The following RAD54B variants were observed in gnomAD, a reference collection of about 807,000 sequenced individuals.
The protein encoded by RAD54B is DNA repair and recombination protein RAD54B.
A neutral mutation model predicts 95.8 loss-of-function variants in RAD54B; 78 were observed. The ratio of observed to expected loss-of-function variants is 0.81; its 90% confidence interval spans 0.68 to 0.98. The LOEUF is 0.98. Ranked by LOEUF, RAD54B falls within the 50% of genes least tolerant of loss-of-function variation. RAD54B has a pLI of 0.00. For missense variants in RAD54B, 957 were observed against 1,056.6 expected (o/e 0.91, Z 1.31); for synonymous variants, 328 against 354.9 (o/e 0.92, Z 0.85).
chr8:94,421,757 G>A (rs971228250), intron 3 of RAD54B, among the ~76,000 whole-genome samples: 1 of 152,188 alleles, frequency 6.6e-6, no homozygotes, highest in Non-Finnish European at 1.5e-5. Context: ...TCAAAGCTAT[G>A]TATTGTATCC....
At chr8:94,440,095 G>A (rs1015782607) in intron 3 of RAD54B, among the ~76,000 whole-genome samples, 8 of 151,880 alleles carry the variant, frequency 5.3e-5, no homozygotes, top group Admixed American at 1.3e-4. Context: ...GAGTCAGATC[G>A]GAAAGTAAGT....
chr8:94,439,124 G>A (rs1812337549), intron 3 of RAD54B, among the ~76,000 whole-genome samples: 1 of 152,110 alleles, frequency 6.6e-6, no homozygotes, highest in African/African-American at 2.4e-5. Flanking sequence ...TCCAAGAGTG[G>A]AAAAGGATAG....
At chr8:94,442,037 T>C (rs1249641529) in intron 3 of RAD54B, among the ~76,000 whole-genome samples, 1 of 152,178 alleles carries the variant, frequency 6.6e-6, no homozygotes, top group African/African-American at 2.4e-5. Context: ...GAACTGCATA[T>C]ACACAATGGA....
At position 94,380,377 on chromosome 8, in the gene RAD54B, G is replaced by A. The variant is rs1480642610; in HGVS notation, c.2015C>T (p.Thr672Ile). The A allele has an allele frequency of 6.2e-7, 1 of 1,613,068 alleles. No homozygotes were observed. Among genetic ancestry groups the A allele is most frequent in the Admixed American group, 1.7e-5 (1 of 59,984 alleles). ...ACATACTTCTTGTAAAATGTTCAAG[G>A]TTTGTGTATAGTTGGATACCAACAC... Reference protein sequence around the residue: ...KVVLVSNYTQTLNILQEVCKR... With the variant: ...KVVLVSNYTQILNILQEVCKR... Residue 672 changes from threonine (T) to isoleucine (I), a missense_variant, in exon 12 of 15, where the codon ACC (threonine) becomes ATC (isoleucine). Coordinates refer to ENST00000336148, the MANE Select transcript of RAD54B (RefSeq NM_012415.3).
intron 1 of RAD54B, among the ~76,000 whole-genome samples, chr8:94,473,646 A>G (rs113950595): frequency 9.2e-5 from 14 of 152,256 alleles, no homozygotes; most frequent in African/African-American, 3.1e-4. Flanking sequence ...TTCAACATAC[A>G]GGACAATGAC....
chr8:94,404,243 A>T lies in RAD54B; in HGVS notation c.782-4T>A, dbSNP rs751564914. 3.2e-6 allele frequency: 5 copies of T among 1,575,614 alleles called. No individual in the cohort carries two copies. Among genetic ancestry groups the T allele is most frequent in the East Asian group, 4.5e-5 (2 of 44,112 alleles). ...GGTCGTGGCATAACGAGGGAATCTT[A>T]AAAAATGATAAAAGTACAAGTATTG... is the stretch of plus-strand genomic sequence containing the variant. On this transcript the variant is annotated splice_region_variant and splice_polypyrimidine_tract_variant and intron_variant, in intron 5 of 14. Transcript: ENST00000336148.
chr8:94,458,435 C>A lies in RAD54B; in HGVS notation c.137G>T (p.Gly46Val). 1 of 1,557,532 alleles carries A rather than the reference C, an allele frequency of 6.4e-7. No individual in the cohort carries two copies. The highest frequency in any genetic ancestry group is 8.6e-7 in the Non-Finnish European group (1 of 1,158,292). The change falls in exon 3 of 15, where the codon GGT becomes GTT. Residue 46 changes from glycine to valine, a missense_variant and splice_region_variant. Coordinates refer to ENST00000336148, the MANE Select transcript of RAD54B (RefSeq NM_012415.3). The part of the protein sequence containing the change: ...KLNPDIKLFE[G>V]VAINNTFLPS... ...GAGAAAGGTGTTATTAATTGCAACA[C>A]CCTAAAAGAAACAAATATATATTTA...
chr8:94,433,738 TAA>T (rs1389195797), intron 3 of RAD54B, among the ~76,000 whole-genome samples: 1 of 151,918 alleles, frequency 6.6e-6, no homozygotes, highest in Admixed American at 6.6e-5. Context: ...AACTTAAAAA[TAA>T]AAGTTATAAA....
At chr8:94,426,790 C>A (rs1811953356) in intron 3 of RAD54B, among the ~76,000 whole-genome samples, 1 of 151,988 alleles carries the variant, frequency 6.6e-6, no homozygotes, top group Non-Finnish European at 1.5e-5. Flanking sequence ...AGTTGTAGAT[C>A]AAAACTCACC....
chr8:94,460,604 C>T (rs1812879219), intron 2 of RAD54B, among the ~76,000 whole-genome samples: 1 of 152,188 alleles, frequency 6.6e-6, no homozygotes, highest in Admixed American at 6.5e-5. Flanking sequence ...GCTGCTCTCT[C>T]AAATTACCAG....
intron 3 of RAD54B, chr8:94,436,944 CAG>C (rs1812281780): frequency 6.9e-7 from 1 of 1,451,058 alleles, no homozygotes; most frequent in Non-Finnish European, 9.1e-7. Context: ...TTTTCACAAA[CAG>C]AAAAAGATCA....
chr8:94,407,920 C>G (rs1448889817), intron 4 of RAD54B, among the ~76,000 whole-genome samples, 200 bp from the exon 5 acceptor site: 1 of 152,054 alleles, frequency 6.6e-6, no homozygotes, highest in Non-Finnish European at 1.5e-5. Context: ...ATTAGCCATG[C>G]TTTAGAGAAA....
intron 3 of RAD54B, among the ~76,000 whole-genome samples, chr8:94,442,386 CAT>C (rs1382166929): frequency 2.6e-5 from 4 of 152,054 alleles, no homozygotes; most frequent in Non-Finnish European, 5.9e-5. Context: ...TCCTGGCTAA[CAT>C]GGTGAAACCC....
chr8:94,397,243 TACA>T (rs1177980358), intron 8 of RAD54B, among the ~76,000 whole-genome samples: 1 of 152,174 alleles, frequency 6.6e-6, no homozygotes, highest in African/African-American at 2.4e-5. Flanking sequence ...CATACTCCTA[TACA>T]AACATGTACT....
intron 12 of RAD54B, among the ~76,000 whole-genome samples, chr8:94,379,102 C>T (rs1036410274): frequency 6.6e-6 from 1 of 152,168 alleles, no homozygotes; most frequent in East Asian, 1.9e-4. Flanking sequence ...AAACCCTGCA[C>T]ATTTCAAATA....
chr8:94,414,147 A>G (rs1373512719), intron 3 of RAD54B, among the ~76,000 whole-genome samples: 1 of 152,144 alleles, frequency 6.6e-6, no homozygotes, highest in African/African-American at 2.4e-5. Flanking sequence ...AAGAATTCTT[A>G]TAGTTTAAAA....
At chr8:94,389,063 C>G (rs546908870) in intron 10 of RAD54B, among the ~76,000 whole-genome samples, 9 of 152,316 alleles carry the variant, frequency 5.9e-5, no homozygotes, top group African/African-American at 1.9e-4. Flanking sequence ...CAGGGAAAGT[C>G]AAACCACTAA....
At chr8:94,395,874 A>G (rs1811130936) in intron 8 of RAD54B, among the ~76,000 whole-genome samples, 1 of 152,214 alleles carries the variant, frequency 6.6e-6, no homozygotes, top group African/African-American at 2.4e-5. Flanking sequence ...CCTTGATGAC[A>G]ACGTTGGGTT....
chr8:94,463,047 G>A (rs893118137), intron 2 of RAD54B, among the ~76,000 whole-genome samples: 1 of 151,910 alleles, frequency 6.6e-6, no homozygotes, highest in Middle Eastern at 3.4e-3. Flanking sequence ...GTGGCGGCAG[G>A]CACCTTTAGT....
Sources: gnomAD v4.1 joint callset for allele counts (sites outside exome capture counted in the v4.1 genomes callset) on GRCh38, gnomAD v4.1.1 for gene constraint, MANE v1.5 for transcripts, NCBI Gene and HGNC (gene_info 2026-07-23, HGNC 2026-07-21) for gene names.